Variants in NFILZ observed in about 807,000 individuals in gnomAD.
NFILZ encodes NFIL3 like basic leucine zipper.
chr19:8,653,069 T>A (rs2146149555), intron 3 of NFILZ, among the ~76,000 whole-genome samples: 1 of 139,368 alleles, frequency 7.2e-6, no homozygotes, highest in South Asian at 2.3e-4. Flanking sequence ...TCTCTCTCTC[T>A]CTCTCTCTCT....
chr19:8,666,005 C>G (rs980483650), intron 3 of NFILZ, among the ~76,000 whole-genome samples: 1 of 151,894 alleles, frequency 6.6e-6, no homozygotes, highest in South Asian at 2.1e-4. Context: ...TGTGAGGCAG[C>G]CTCCTCCCTT....
intron 3 of NFILZ, among the ~76,000 whole-genome samples, chr19:8,640,526 C>G (rs999273685): frequency 2.6e-5 from 4 of 151,966 alleles, no homozygotes; most frequent in Non-Finnish European, 5.9e-5. Context: ...GCAGAAGGTG[C>G]CTTTGATGTC....
chr19:8,679,981 A>G lies in NFILZ; in HGVS notation c.*2346A>G, dbSNP rs2043137911. 6.6e-6 allele frequency among the ~76,000 whole-genome samples: 1 copy of G among 152,072 alleles called. No individual in the cohort carries two copies. Among genetic ancestry groups the G allele is most frequent in the Non-Finnish European group, 1.5e-5 (1 of 68,020 alleles). On this transcript the variant is annotated 3_prime_UTR_variant, in exon 6 of 6. Transcript: ENST00000691075. ...GGCCAAGGCAGATGGATCTCACTTG[A>G]GGTCAGGAGTTCGAGACCAGCCTGG... is the stretch of plus-strand genomic sequence containing the variant.
chr19:8,654,140 G>C (rs2042981500), intron 3 of NFILZ, among the ~76,000 whole-genome samples: 2 of 152,144 alleles, frequency 1.3e-5, no homozygotes, highest in South Asian at 4.1e-4. Flanking sequence ...GCTGAGGCAG[G>C]AGAATCACTT....
intron 2 of NFILZ, among the ~76,000 whole-genome samples, chr19:8,634,041 A>T (rs1390432662): frequency 1.3e-5 from 2 of 148,546 alleles, no homozygotes; most frequent in Non-Finnish European, 3.0e-5. Context: ...TCTGTCACCC[A>T]GGCTGCAGTA....
chr19:8,641,069 A>C (rs1555746608), intron 3 of NFILZ, among the ~76,000 whole-genome samples: 1 of 152,156 alleles, frequency 6.6e-6, no homozygotes, highest in Non-Finnish European at 1.5e-5. Context: ...TTTGGTGTTC[A>C]CTTGAAGGAT....
chr19:8,637,410 C>T (rs1173204789), intron 3 of NFILZ, among the ~76,000 whole-genome samples: 5 of 151,692 alleles, frequency 3.3e-5, no homozygotes, highest in South Asian at 2.1e-4. Context: ...GTCAGGAGTT[C>T]GAGACCAGCC....
chr19:8,650,729 G>A (rs1255592091), intron 3 of NFILZ, among the ~76,000 whole-genome samples: 1 of 151,426 alleles, frequency 6.6e-6, no homozygotes, highest in Non-Finnish European at 1.5e-5. Context: ...GGACATTGAT[G>A]CTGATAGAAT....
chr19:8,667,896 T>C (rs1568424251), intron 3 of NFILZ, among the ~76,000 whole-genome samples: 1 of 152,298 alleles, frequency 6.6e-6, no homozygotes, highest in East Asian at 1.9e-4. Flanking sequence ...ACTAATACAA[T>C]ATAAATGCTA....
intron 3 of NFILZ, among the ~76,000 whole-genome samples, chr19:8,668,052 G>A (rs1401608024): frequency 1.3e-5 from 2 of 152,078 alleles, no homozygotes; most frequent in East Asian, 1.9e-4. Flanking sequence ...CCAGGCTCAA[G>A]TGATTCTCAT....
chr19:8,647,502 G>T (rs1476885141), intron 3 of NFILZ, among the ~76,000 whole-genome samples: 1 of 151,960 alleles, frequency 6.6e-6, no homozygotes, highest in Admixed American at 6.6e-5. Flanking sequence ...AACCCAGGAG[G>T]TGGAGGTTGC....
chr19:8,640,611 A>G (rs1250099404), intron 3 of NFILZ, among the ~76,000 whole-genome samples: 3 of 152,120 alleles, frequency 2.0e-5, no homozygotes, highest in Admixed American at 6.6e-5. Flanking sequence ...CGGCGACACG[A>G]TGAGAGACAG....
At chr19:8,647,041 C>T (rs2042941882) in intron 3 of NFILZ, among the ~76,000 whole-genome samples, 1 of 152,154 alleles carries the variant, frequency 6.6e-6, no homozygotes, top group South Asian at 2.1e-4. Flanking sequence ...TGTTAATAGG[C>T]AGGTACTCCT....
In NFILZ at chr19:8,635,678, C is replaced by T. The variant is rs531777867; in HGVS notation, c.-232C>T. The T allele has an allele frequency of 3.3e-5, 5 of 152,166 alleles. No individual in the cohort carries two copies. Among genetic ancestry groups the T allele is most frequent in the South Asian group, 4.1e-4 (2 of 4,820 alleles). 9.4% of individuals were successfully genotyped at this position (152,166 alleles called of 1,614,324 possible). On this transcript the variant is annotated 5_prime_UTR_variant, in exon 3 of 6. It adds an upstream start codon to the 5' untranslated region. Coordinates refer to ENST00000691075, the MANE Select transcript of NFILZ (RefSeq NM_001378600.1). The stretch of plus-strand genomic sequence containing the variant: ...CGTGAGTTGTTTCCAGTTTTGGTGA[C>T]GAATGCCCAAATTCATAGGCGATGA...
At chr19:8,664,679 G>T (rs925813511) in intron 3 of NFILZ, among the ~76,000 whole-genome samples, 1 of 152,114 alleles carries the variant, frequency 6.6e-6, no homozygotes, top group Non-Finnish European at 1.5e-5. Flanking sequence ...TGGCCCTTCC[G>T]AGAAACCTGG....
chr19:8,652,779 TTTC>T (rs1383866103), intron 3 of NFILZ, among the ~76,000 whole-genome samples: 25 of 151,992 alleles, frequency 1.6e-4, no homozygotes, highest in African/African-American at 5.3e-4. Context: ...TTTTCCTTTC[TTTC>T]TTTTCTTTCT....
Position 8,679,915 on chromosome 19 carries a change from AG to A in NFILZ, c.*2283del, listed in dbSNP as rs1370740687. 2.0e-5 allele frequency among the ~76,000 whole-genome samples: 3 copies of A among 152,140 alleles called. No individual in the cohort carries two copies. The highest frequency in any genetic ancestry group is 4.8e-5 in the African/African-American group (2 of 41,440). The stretch of plus-strand genomic sequence containing the variant: ...TCTTCATAAATAATGTGAATCCTGG[AG>A]GGCAAGGTGGCTCATGCCTGTAATC... On this transcript the variant is annotated 3_prime_UTR_variant, in exon 6 of 6. Coordinates refer to ENST00000691075, the MANE Select transcript of NFILZ (RefSeq NM_001378600.1).
At chr19:8,668,004 G>C (rs2043070245) in intron 3 of NFILZ, among the ~76,000 whole-genome samples, 1 of 151,844 alleles carries the variant, frequency 6.6e-6, no homozygotes, top group East Asian at 1.9e-4. Flanking sequence ...CCAGGCTGGA[G>C]TGCAGTGACA....
rs1471969042 is a variant in NFILZ, at chr19:8,647,584, C to CG, written c.-164+11838_-164+11839insG. Among the ~76,000 whole-genome samples the CG allele has an allele frequency of 6.1e-5, 9 of 148,570 alleles. No homozygotes were observed. In the South Asian group the frequency reaches 1.8e-3, roughly 29 times the overall value. On this transcript the variant is annotated intron_variant, in intron 3 of 5. Transcript: ENST00000691075. Reference sequence around the variant, plus strand: ...GGACATTCTGTCCCCGCACCCCCCCCCCCAAAAAAAGGGAACGAGATCATG... The same window carrying CG: ...GGACATTCTGTCCCCGCACCCCCCCCGCCCAAAAAAAGGGAACGAGATCATG...
Sources: gnomAD v4.1 joint callset for allele counts (sites outside exome capture counted in the v4.1 genomes callset) on GRCh38, gnomAD v4.1.1 for gene constraint, MANE v1.5 for transcripts, NCBI Gene and HGNC (gene_info 2026-07-23, HGNC 2026-07-21) for gene names.